The following ZNF721 variants were observed in gnomAD, a reference collection of about 807,000 sequenced individuals.
ZNF721 encodes zinc finger protein 721.
In ZNF721, 2 loss-of-function variants were observed where a neutral mutation model predicts 2.4. The observed-to-expected ratio is 0.82, with a 90% CI of 0.34 to 2.58. The LOEUF is 2.58. Ranked by LOEUF, ZNF721 falls within the 30% of genes most tolerant of loss-of-function variation. The pLI is 0.11. For synonymous variants in ZNF721, 398 were observed against 381.8 expected (o/e 1.04, Z -0.50); for missense variants, 1,187 against 1,085.5 (o/e 1.09, Z -1.31).
intron 1 of ZNF721, among the ~76,000 whole-genome samples, chr4:494,227 G>A (rs1716092887): frequency 1.3e-5 from 2 of 150,838 alleles, no homozygotes; most frequent in Admixed American, 1.3e-4. Context: ...TGTCACCCAG[G>A]CTGGAGTGCA....
chr4:443,906 G>C lies in ZNF721; in HGVS notation c.561C>G (p.His187Gln), dbSNP rs1714375003. 4 of 1,613,590 alleles carry C rather than the reference G, an allele frequency of 2.5e-6. No homozygotes were observed. Among genetic ancestry groups the C allele is most frequent in the Non-Finnish European group, 3.4e-6 (4 of 1,179,906 alleles). ...STNLTAHKRIHNREKAYTGED... is the reference protein window; with the variant it reads ...STNLTAHKRIQNREKAYTGED... Reference sequence around the variant, plus strand: ...CACCTGTGTAAGCTTTCTCTCTGTTGTGAATTCTCTTATGTGCAGTAAGGT... The same window carrying C: ...CACCTGTGTAAGCTTTCTCTCTGTTCTGAATTCTCTTATGTGCAGTAAGGT... The change falls in exon 3 of 3, where the codon CAC becomes CAG. Residue 187 changes from histidine (H) to glutamine (Q), a missense_variant. Transcript: ENST00000511833.
intron 2 of ZNF721, 135 bp from the exon 3 acceptor site, chr4:444,567 T>C (rs1714409319): frequency 3.3e-6 from 3 of 912,378 alleles, no homozygotes; most frequent in Non-Finnish European, 4.8e-6. Flanking sequence ...TCTTCACATA[T>C]ACATGTAACA....
rs569965238 is a variant in ZNF721, at chr4:471,003, A to G, written c.34+1572T>C. Among the ~76,000 whole-genome samples the G allele has an allele frequency of 4.6e-3, 694 of 152,154 alleles. 2 individuals are homozygous for G. The highest frequency in any genetic ancestry group is 5.3e-3 in the Non-Finnish European group (363 of 68,000). ...GACAGAGGAAGACTCTGTCTCAAAA[A>G]AAAAAAAAAAGAAGTTAATATCCAT... On this transcript the variant is annotated intron_variant, in intron 2 of 2. Coordinates refer to ENST00000511833, the MANE Select transcript of ZNF721 (RefSeq NM_133474.4).
At chr4:474,815 G>A (rs1216653536) in intron 1 of ZNF721, among the ~76,000 whole-genome samples, 1 of 151,988 alleles carries the variant, frequency 6.6e-6, no homozygotes, top group Non-Finnish European at 1.5e-5. Context: ...GGTGGAGGTT[G>A]CAGTGAGCTG....
At chr4:494,926 G>GTC (rs1257073832) in intron 1 of ZNF721, among the ~76,000 whole-genome samples, 3 of 141,928 alleles carry the variant, frequency 2.1e-5, no homozygotes, top group Non-Finnish European at 4.5e-5. Flanking sequence ...GAGTCTCACT[G>GTC]TCGCCCAGGC....
At chr4:454,251 C>T (rs868971846) in intron 2 of ZNF721, among the ~76,000 whole-genome samples, 10 of 152,328 alleles carry the variant, frequency 6.6e-5, no homozygotes, top group Non-Finnish European at 1.2e-4. Context: ...TAATTCCATC[C>T]ACCATACAAA....
chr4:462,114 GACAA>G (rs1560233830), intron 2 of ZNF721, among the ~76,000 whole-genome samples: 12 of 152,154 alleles, frequency 7.9e-5, no homozygotes, highest in African/African-American at 4.8e-5. Context: ...ACCAATAATA[GACAA>G]ACAGAGAGCC....
intron 1 of ZNF721, among the ~76,000 whole-genome samples, chr4:490,509 AT>A (rs1715994457): frequency 6.6e-6 from 1 of 152,104 alleles, no homozygotes; most frequent in Non-Finnish European, 1.5e-5. Flanking sequence ...AAATAAAATT[AT>A]CACAAACAAT....
chr4:495,935 T>TA (rs1576976167), intron 1 of ZNF721, among the ~76,000 whole-genome samples: 1 of 152,116 alleles, frequency 6.6e-6, no homozygotes. Context: ...TGAGCTCCTT[T>TA]AAAAAAATCT....
chr4:443,891 A>C lies in ZNF721; in HGVS notation c.576T>G (p.Ala192=), dbSNP rs782766447. The change falls in exon 3 of 3, where the codon GCT becomes GCG. Residue 192 remains alanine, a synonymous_variant. Coordinates refer to ENST00000511833, the MANE Select transcript of ZNF721 (RefSeq NM_133474.4). ...CTCTGTCACGATCTTCACCTGTGTA[A>C]GCTTTCTCTCTGTTGTGAATTCTCT... is the stretch of plus-strand genomic sequence containing the variant. The part of the protein sequence containing the change: ...AHKRIHNREK[A]YTGEDRDRAF... The C allele has an allele frequency of 1.9e-6, 3 of 1,613,522 alleles. No homozygotes were observed. In the South Asian group the frequency reaches 3.3e-5, roughly 18 times the overall value.
chr4:473,085 C>G (rs782218313), intron 1 of ZNF721, among the ~76,000 whole-genome samples: 2 of 152,062 alleles, frequency 1.3e-5, no homozygotes, highest in Non-Finnish European at 2.9e-5. Context: ...GAACAATAGA[C>G]AGGATGTGAG....
chr4:472,494 A>T, intron 2 of ZNF721, 81 bp downstream of exon 2: 1 of 1,461,914 alleles, frequency 6.8e-7, no homozygotes, highest in Non-Finnish European at 9.3e-7. Context: ...TTATATAGAT[A>T]TATCTCAAAA....
chr4:498,774 AAGTGC>A (rs1223455134), intron 1 of ZNF721, among the ~76,000 whole-genome samples: 2 of 147,364 alleles, frequency 1.4e-5, no homozygotes, highest in Non-Finnish European at 3.0e-5. Context: ...TGCCAGGCAG[AAGTGC>A]AGTGGCGCGA....
At chr4:472,469 G>C (rs1715465884) in intron 2 of ZNF721, 106 bp downstream of exon 2, 1 of 1,261,416 alleles carries the variant, frequency 7.9e-7, no homozygotes, top group Non-Finnish European at 1.1e-6. Context: ...AGCTGTGTGT[G>C]TGAGACACAC....
rs880000101 is a variant in ZNF721, at chr4:442,640, T to C, written c.1827A>G (p.Gly609=). The change falls in exon 3 of 3, where the codon GGA becomes GGG. Residue 609 remains glycine, a synonymous_variant. Coordinates refer to ENST00000511833, the MANE Select transcript of ZNF721 (RefSeq NM_133474.4). ...DLNQHKKIHT[G]EKLYKCEECG... The stretch of plus-strand genomic sequence containing the variant: ...ACTCTTCACATTTGTAAAGTTTCTC[T>C]CCAGTATGAATTTTCTTGTGTTGAT... 1.2e-6 allele frequency: 2 copies of C among 1,613,870 alleles called. No individual in the cohort carries two copies. Among genetic ancestry groups the C allele is most frequent in the Non-Finnish European group, 1.7e-6 (2 of 1,179,918 alleles).
At position 467,423 on chromosome 4, in the gene ZNF721, A is replaced by C. The variant is rs114742167; in HGVS notation, c.34+5152T>G. On this transcript the variant is annotated intron_variant, in intron 2 of 2. Transcript: ENST00000511833. ...CAATGTATGATTCCACTTACATAAG[A>C]TATTTTAAGTAGTAAATTCCTAGAA... Among the ~76,000 whole-genome samples the C allele has an allele frequency of 7.4e-3, 1,124 of 152,354 alleles. 17 individuals carry two copies. The highest frequency in any genetic ancestry group is 0.025 in the African/African-American group (1,031 of 41,578).
At position 444,005 on chromosome 4, in the gene ZNF721, T is replaced by C. The variant is rs1401699762; in HGVS notation, c.462A>G (p.Gln154=). 1 of 1,613,718 alleles carries C rather than the reference T, an allele frequency of 6.2e-7. No homozygotes were observed. The highest frequency in any genetic ancestry group is 1.7e-5 in the Admixed American group (1 of 60,008). Residue 154 remains glutamine (Q), a synonymous_variant, in exon 3 of 3, where the codon CAA becomes CAG. Transcript: ENST00000511833. ...TCTCTCCAGTATGAATTTTCTTGTG[T>C]TGATTCAGGTCTGTGTACCATCCAA... ...KDFGWYTDLN[Q]HKKIHTGEKP... is the part of the protein sequence containing the mutation.
At chr4:495,455 CT>C (rs35860173) in intron 1 of ZNF721, among the ~76,000 whole-genome samples, 19 of 140,372 alleles carry the variant, frequency 1.4e-4, no homozygotes, top group Non-Finnish European at 1.5e-4. Context: ...TTAAAATTGA[CT>C]TTTTTTTTTT....
intron 1 of ZNF721, among the ~76,000 whole-genome samples, chr4:492,188 C>CAA (rs147001254): frequency 6.8e-6 from 1 of 146,086 alleles, no homozygotes; most frequent in Non-Finnish European, 1.5e-5. Context: ...AACAAACAAA[C>CAA]AAAAAAAAAA....
Sources: allele counts gnomAD v4.1 joint callset (sites outside exome capture counted in the v4.1 genomes callset), GRCh38; gene constraint gnomAD v4.1.1; transcripts MANE v1.5; gene names NCBI Gene and HGNC (gene_info 2026-07-23, HGNC 2026-07-21).